Variants in WWP2 observed in about 807,000 individuals in gnomAD.
The protein encoded by WWP2 is NEDD4-like E3 ubiquitin-protein ligase WWP2.
WWP2 carries 57 observed loss-of-function variants against 121.0 expected under a neutral mutation model. The observed-to-expected ratio is 0.47, with a 90% CI of 0.38 to 0.59. The LOEUF (loss-of-function observed/expected upper bound fraction) is 0.59. WWP2 is among the 20% of genes least tolerant of loss of function. The probability of loss-of-function intolerance (pLI) is 0.00; values close to 1 mark genes in which losing one functional copy is unlikely to be tolerated. For synonymous variants in WWP2, 449 were observed against 441.3 expected (o/e 1.02, Z -0.22); for missense variants, 962 against 1,158.9 (o/e 0.83, Z 2.47).
intron 12 of WWP2, 122 bp downstream of exon 12, chr16:69,929,651 C>A: frequency 1.2e-6 from 1 of 812,010 alleles, no homozygotes; most frequent in Non-Finnish European, 2.0e-6. Context: ...TTTAGCCACA[C>A]ACAAGTGTCT....
intron 1 of WWP2, among the ~76,000 whole-genome samples, chr16:69,786,643 G>C (rs2055798543): frequency 6.6e-6 from 1 of 151,650 alleles, no homozygotes; most frequent in African/African-American, 2.4e-5. Context: ...TAGAGACGGG[G>C]TTTTGCCATG....
At position 69,861,962 on chromosome 16, in the gene WWP2, G is replaced by A. The variant is rs183911311; in HGVS notation, c.576-9842G>A. ...GCCCTCTTGGTTCTAGTAATCCTAG[G>A]CAAATACCGCTTACCCGGATTGGAA... On this transcript the variant is annotated intron_variant, in intron 6 of 23. Transcript: ENST00000359154. Among the ~76,000 whole-genome samples, 778 of 152,270 alleles carry A rather than the reference G, an allele frequency of 5.1e-3. 6 individuals carry two copies. Among genetic ancestry groups the A allele is most frequent in the African/African-American group, 0.018 (747 of 41,554 alleles).
At chr16:69,825,736 C>T (rs2056675728) in intron 4 of WWP2, among the ~76,000 whole-genome samples, 1 of 151,280 alleles carries the variant, frequency 6.6e-6, no homozygotes, top group African/African-American at 2.4e-5. Context: ...AGTGATCCTC[C>T]CACCTCAGCC....
chr16:69,880,139 A>G (rs914326856), intron 7 of WWP2, among the ~76,000 whole-genome samples: 1 of 150,820 alleles, frequency 6.6e-6, no homozygotes, highest in Non-Finnish European at 1.5e-5. Context: ...ATATATAACT[A>G]TAAATATGTA....
chr16:69,840,024 C>A, intron 4 of WWP2, 102 bp from the exon 5 acceptor site: 1 of 1,517,810 alleles, frequency 6.6e-7, no homozygotes, highest in Non-Finnish European at 9.0e-7. Flanking sequence ...AAAGCATTCC[C>A]AGAGAAGCCA....
chr16:69,819,049 C>T (rs2056547215), intron 4 of WWP2, among the ~76,000 whole-genome samples: 2 of 152,160 alleles, frequency 1.3e-5, no homozygotes, highest in South Asian at 2.1e-4. Context: ...GGCTAAAATC[C>T]TCCGTGCCTT....
At position 69,878,379 on chromosome 16, in the gene WWP2, T is replaced by G. The variant is rs1025244756; in HGVS notation, c.703+6448T>G. ...CTTCAGTTTGTAAAAAATCACATAG[T>G]GCAACTCAACAAAACAAGGTATGCC... On this transcript the variant is annotated intron_variant, in intron 7 of 23. Transcript: ENST00000359154. 2.6e-5 allele frequency among the ~76,000 whole-genome samples: 4 copies of G among 152,294 alleles called. No homozygotes were observed. The Middle Eastern group carries it at 0.01, about 389-fold the overall frequency.
Position 69,799,999 on chromosome 16 carries a change from T to C in WWP2, c.340+704T>C, listed in dbSNP as rs1414213811. 6.6e-6 allele frequency among the ~76,000 whole-genome samples: 1 copy of C among 151,930 alleles called. No individual in the cohort carries two copies. Among genetic ancestry groups the C allele is most frequent in the African/African-American group, 2.4e-5 (1 of 41,354 alleles). Reference sequence around the variant, plus strand: ...TGGCATGGAAAGAAAGGCTCCTTTTTCTCTTGATATCTGGAAAGTATTTTC... The same window carrying C: ...TGGCATGGAAAGAAAGGCTCCTTTTCCTCTTGATATCTGGAAAGTATTTTC... On this transcript the variant is annotated intron_variant, in intron 4 of 23. Transcript: ENST00000359154. This position sits in a 1 kb window ranked among gnomAD's most constrained non-coding sequence, Gnocchi z 4.5.
chr16:69,823,417 T>TTTTA (rs1451698564), intron 4 of WWP2, among the ~76,000 whole-genome samples: 5 of 152,210 alleles, frequency 3.3e-5, no homozygotes, highest in Admixed American at 3.3e-4. Context: ...ACTTCTCTTC[T>TTTTA]TTTATTTATT....
intron 7 of WWP2, among the ~76,000 whole-genome samples, chr16:69,880,846 G>A (rs1278217931): frequency 2.0e-5 from 3 of 152,176 alleles, no homozygotes; most frequent in East Asian, 3.9e-4. Flanking sequence ...GGCTTTCTAC[G>A]TGCCTGAGTG....
intron 1 of WWP2, among the ~76,000 whole-genome samples, chr16:69,763,271 G>T (rs2038657190): frequency 6.6e-6 from 1 of 152,060 alleles, no homozygotes; most frequent in African/African-American, 2.4e-5. Context: ...TCTTGTGACT[G>T]CTTATCTTGA....
At chr16:69,781,410 A>G (rs559581520) in intron 1 of WWP2, among the ~76,000 whole-genome samples, 1 of 152,240 alleles carries the variant, frequency 6.6e-6, no homozygotes, top group African/African-American at 2.4e-5. Flanking sequence ...CGGTGGCACA[A>G]TCTTGGCTCA....
chr16:69,860,870 C>T (rs1358605963), intron 6 of WWP2, among the ~76,000 whole-genome samples: 1 of 151,772 alleles, frequency 6.6e-6, no homozygotes, highest in Non-Finnish European at 1.5e-5. Flanking sequence ...AAAGAACACT[C>T]TAATATACTG....
chr16:69,879,698 G>C (rs777812254), intron 7 of WWP2, among the ~76,000 whole-genome samples: 7 of 152,140 alleles, frequency 4.6e-5, no homozygotes, highest in Non-Finnish European at 7.4e-5. Context: ...ACAAGTATCT[G>C]AGCCCAAGAT....
At chr16:69,835,804 A>T (rs755764675) in intron 4 of WWP2, among the ~76,000 whole-genome samples, 1,735 of 142,496 alleles carry the variant, frequency 0.012, 13 homozygotes, top group Admixed American at 0.02. Context: ...ACCAAAGTAA[A>T]TTTTTTTTTT....
At chr16:69,779,012 C>T (rs2055603933) in intron 1 of WWP2, among the ~76,000 whole-genome samples, 5 of 151,578 alleles carry the variant, frequency 3.3e-5, no homozygotes, top group Admixed American at 2.0e-4. Context: ...TGCAATGGTG[C>T]AATCTTGGCT....
chr16:69,875,882 C>T (rs1400528206), intron 7 of WWP2, among the ~76,000 whole-genome samples: 1 of 152,096 alleles, frequency 6.6e-6, no homozygotes, highest in Non-Finnish European at 1.5e-5. Flanking sequence ...ATATGTTGAC[C>T]TCCTCCCATG....
intron 9 of WWP2, among the ~76,000 whole-genome samples, chr16:69,913,063 T>C (rs1336443378): frequency 7.8e-6 from 1 of 127,768 alleles, no homozygotes; most frequent in African/African-American, 2.9e-5. Context: ...TTGCTCTCGT[T>C]GCCCAGGCTG....
chr16:69,809,503 A>G (rs983886169), intron 4 of WWP2, among the ~76,000 whole-genome samples: 1 of 152,054 alleles, frequency 6.6e-6, no homozygotes, highest in Non-Finnish European at 1.5e-5. Context: ...ACGGTGGCTC[A>G]CGCCTGTAAT....
Sources: gnomAD v4.1 joint callset for allele counts (sites outside exome capture counted in the v4.1 genomes callset) on GRCh38, gnomAD v4.1.1 for gene constraint, Gnocchi (gnomAD v3.1) non-coding constraint, MANE v1.5 for transcripts, NCBI Gene and HGNC (gene_info 2026-07-23, HGNC 2026-07-21) for gene names.